IQGAP2: variants seen among roughly 807,000 people sequenced by gnomAD.
The protein encoded by IQGAP2 is IQ motif containing GTPase activating protein 2.
In IQGAP2, 173 loss-of-function variants were observed where a neutral mutation model predicts 201.3. The ratio of observed to expected loss-of-function variants is 0.86; its 90% confidence interval spans 0.76 to 0.98. The LOEUF (loss-of-function observed/expected upper bound fraction) is 0.98, where lower values mean the gene tolerates loss of function less well. Ranked by LOEUF, IQGAP2 falls within the 50% of genes least tolerant of loss-of-function variation. IQGAP2 has a pLI of 0.00. For missense variants in IQGAP2, 1,687 were observed against 1,864.8 expected (o/e 0.90, Z 1.76); for synonymous variants, 675 against 673.9 (o/e 1.00, Z -0.03).
At chr5:76,481,128 A>G (rs1454919774) in intron 2 of IQGAP2, among the ~76,000 whole-genome samples, 7 of 152,212 alleles carry the variant, frequency 4.6e-5, no homozygotes, top group Non-Finnish European at 1.5e-5. Flanking sequence ...TGCTATCACA[A>G]TGGTGATGAA....
chr5:76,538,054 A>G (rs1759725288), intron 2 of IQGAP2, among the ~76,000 whole-genome samples: 1 of 152,244 alleles, frequency 6.6e-6, no homozygotes, highest in Non-Finnish European at 1.5e-5. Context: ...TTATAAAGCA[A>G]GAGGTTTAAC....
At chr5:76,540,783 G>T (rs1475275321) in intron 2 of IQGAP2, among the ~76,000 whole-genome samples, 1 of 152,154 alleles carries the variant, frequency 6.6e-6, no homozygotes, top group Non-Finnish European at 1.5e-5. Flanking sequence ...TGCACAGTGT[G>T]CCACCTACAC....
At chr5:76,658,010 C>T (rs569696638) in intron 20 of IQGAP2, among the ~76,000 whole-genome samples, 1 of 152,258 alleles carries the variant, frequency 6.6e-6, no homozygotes, top group African/African-American at 2.4e-5. Flanking sequence ...CGGCTCCTTC[C>T]CAAAGATCCT....
At position 76,654,914 on chromosome 5, in the gene IQGAP2, C is replaced by T. The variant is rs1188493441; in HGVS notation, c.2251-20C>T. ...TAGGTGGGACTCTGGGAGATCAAGA[C>T]TTGTCTTAATCTTTTGCAGAATAAT... On this transcript the variant is annotated intron_variant, in intron 19 of 35. Transcript: ENST00000274364. The T allele has an allele frequency of 1.3e-6, 2 of 1,570,782 alleles. No individual in the cohort carries two copies. Among genetic ancestry groups the T allele is most frequent in the Non-Finnish European group, 1.8e-6 (2 of 1,141,778 alleles).
intron 34 of IQGAP2, 145 bp from the exon 35 acceptor site, chr5:76,702,337 G>T (rs934266721): frequency 1.9e-5 from 11 of 573,542 alleles, no homozygotes; most frequent in Non-Finnish European, 3.1e-5. Context: ...GGGGAAAGAT[G>T]ACGTGAGGTT....
At chr5:76,438,587 C>T (rs1318836271) in intron 1 of IQGAP2, among the ~76,000 whole-genome samples, 1 of 152,016 alleles carries the variant, frequency 6.6e-6, no homozygotes, top group Non-Finnish European at 1.5e-5. Flanking sequence ...GGATTATAGG[C>T]GTGCACCACC....
chr5:76,648,275 G>C (rs1401880369), intron 17 of IQGAP2, among the ~76,000 whole-genome samples: 1 of 152,124 alleles, frequency 6.6e-6, no homozygotes, highest in Non-Finnish European at 1.5e-5. Context: ...TCACCTTTAA[G>C]AGAGTTATGT....
intron 2 of IQGAP2, among the ~76,000 whole-genome samples, chr5:76,544,875 C>T (rs1462116770): frequency 2.0e-5 from 3 of 151,726 alleles, no homozygotes; most frequent in Non-Finnish European, 2.9e-5. Context: ...AACTCTATAG[C>T]GATAGAACTA....
intron 2 of IQGAP2, among the ~76,000 whole-genome samples, chr5:76,485,986 A>T (rs912048319): frequency 1.3e-5 from 2 of 152,190 alleles, no homozygotes; most frequent in African/African-American, 4.8e-5. Flanking sequence ...TAATTTTTGT[A>T]AAAACTTGAT....
At chr5:76,579,570 C>T (rs1745699393) in intron 5 of IQGAP2, among the ~76,000 whole-genome samples, 1 of 152,034 alleles carries the variant, frequency 6.6e-6, no homozygotes, top group African/African-American at 2.4e-5. Context: ...TTAAGTCTCA[C>T]TTGACCAGCA....
chr5:76,442,221 T>G (rs1190948223), intron 1 of IQGAP2, among the ~76,000 whole-genome samples: 1 of 152,230 alleles, frequency 6.6e-6, no homozygotes, highest in East Asian at 1.9e-4. Context: ...GCATTCTGTT[T>G]CTCCATTTTT....
chr5:76,493,873 G>A (rs1249086780), intron 2 of IQGAP2, among the ~76,000 whole-genome samples: 2 of 152,158 alleles, frequency 1.3e-5, no homozygotes, highest in African/African-American at 4.8e-5. Flanking sequence ...TCCTGTCACA[G>A]CCTAAATTCC....
At chr5:76,659,128 C>A (rs1317772074) in intron 21 of IQGAP2, among the ~76,000 whole-genome samples, 2 of 152,058 alleles carry the variant, frequency 1.3e-5, no homozygotes, top group Admixed American at 1.3e-4. Context: ...AAGTTTTTAT[C>A]GTTTTTATTA....
At chr5:76,517,155 G>T (rs1041700205) in intron 2 of IQGAP2, among the ~76,000 whole-genome samples, 2 of 151,828 alleles carry the variant, frequency 1.3e-5, no homozygotes, top group African/African-American at 2.4e-5. Context: ...CCTGAGTCAG[G>T]TTAACACTTA....
chr5:76,692,117 T>G (rs1746313415), intron 30 of IQGAP2, among the ~76,000 whole-genome samples: 1 of 152,216 alleles, frequency 6.6e-6, no homozygotes, highest in Non-Finnish European at 1.5e-5. Flanking sequence ...TGTCTGTGTT[T>G]CCTTTTCTTC....
intron 2 of IQGAP2, among the ~76,000 whole-genome samples, chr5:76,520,700 CTTTTTT>C (rs5868829): frequency 9.2e-6 from 1 of 109,218 alleles, no homozygotes; most frequent in African/African-American, 3.6e-5. Flanking sequence ...GGTCTCTCCT[CTTTTTT>C]TTTTTTTTTT....
chr5:76,673,233 G>C (rs1468698766), intron 24 of IQGAP2, among the ~76,000 whole-genome samples: 1 of 152,148 alleles, frequency 6.6e-6, no homozygotes, highest in Non-Finnish European at 1.5e-5. Flanking sequence ...CTTGCCAGAA[G>C]AGACCAGAGG....
At chr5:76,496,791 T>C (rs866631528) in intron 2 of IQGAP2, among the ~76,000 whole-genome samples, 8 of 110,770 alleles carry the variant, frequency 7.2e-5, no homozygotes, top group African/African-American at 2.8e-4. Context: ...CTTTCTTTCT[T>C]TCTCTTTCTT....
At chr5:76,630,794 G>C (rs538015534) in intron 14 of IQGAP2, among the ~76,000 whole-genome samples, 25 of 152,250 alleles carry the variant, frequency 1.6e-4, no homozygotes, top group Middle Eastern at 6.8e-3. Context: ...ACCTCTGTTA[G>C]CATAAGAACA....
Sources: allele counts gnomAD v4.1 joint callset (sites outside exome capture counted in the v4.1 genomes callset), GRCh38; gene constraint gnomAD v4.1.1; transcripts MANE v1.5; gene names NCBI Gene and HGNC (gene_info 2026-07-23, HGNC 2026-07-21).